Variants in SLC28A1 observed in about 807,000 individuals in gnomAD.
The protein encoded by SLC28A1 is solute carrier family 28 member 1.
Under a neutral mutation model 74.8 loss-of-function variants are expected in SLC28A1, and 64 were observed. That is an observed-to-expected ratio of 0.86 (90% CI 0.70 to 1.05). SLC28A1 has a LOEUF of 1.05. SLC28A1 is among the 50% of genes least tolerant of loss of function. SLC28A1 has a pLI of 0.00. For missense variants in SLC28A1, 828 were observed against 822.8 expected, an observed-to-expected ratio of 1.01 and a Z score of -0.08; for synonymous variants, 359 against 335.0, an observed-to-expected ratio of 1.07 and a Z score of -0.78.
chr15:84,885,409 CATAAA>C (rs1964477817), intron 1 of SLC28A1, among the ~76,000 whole-genome samples: 1 of 151,440 alleles, frequency 6.6e-6, no homozygotes, highest in South Asian at 2.1e-4. Context: ...AAATGAATAA[CATAAA>C]ATAACATACA....
intron 10 of SLC28A1, 93 bp from the exon 11 acceptor site, chr15:84,920,896 G>T: frequency 2.1e-6 from 2 of 965,940 alleles, no homozygotes; most frequent in Admixed American, 3.4e-5. Flanking sequence ...GCTGGGAGTT[G>T]GGAGGAAACT....
chr15:84,936,172 T>C (rs1971903966), intron 15 of SLC28A1, among the ~76,000 whole-genome samples: 1 of 151,320 alleles, frequency 6.6e-6, no homozygotes, highest in Admixed American at 6.6e-5. Context: ...CTTGATCTCC[T>C]GACCTCGTGA....
At chr15:84,966,029 G>A in the SLC28A1 span, among the ~76,000 whole-genome samples, 1 of 152,166 alleles carries the variant, frequency 6.6e-6, no homozygotes, top group Non-Finnish European at 1.5e-5. Flanking sequence ...TCAGTGATCT[G>A]AGAGAAAAAC....
intron 9 of SLC28A1, among the ~76,000 whole-genome samples, chr15:84,917,868 G>T (rs1199542040): frequency 1.3e-5 from 2 of 152,160 alleles, no homozygotes; most frequent in Non-Finnish European, 2.9e-5. Context: ...CATGGGCCTG[G>T]AAAAGAGGGA....
At position 84,944,838 on chromosome 15, in the gene SLC28A1, T is replaced by C; in HGVS notation, c.1845T>C (p.Ile615=). ...NTTLSSSSFE[I]YQCCREAFQS... is the part of the protein sequence containing the mutation. ...CCCTCAGCAGCAGTAGCTTTGAGAT[T>C]TACCAGTGCTGCCGTGAGGCCTTCC... Residue 615 remains isoleucine (I), a synonymous_variant, in exon 18 of 19, where the codon ATT becomes ATC. Transcript: ENST00000394573. 1 of 1,613,828 alleles carries C rather than the reference T, an allele frequency of 6.2e-7. No homozygotes were observed. Among genetic ancestry groups the C allele is most frequent in the Non-Finnish European group, 8.5e-7 (1 of 1,179,766 alleles).
At chr15:84,909,097 G>A (rs944454121) in intron 9 of SLC28A1, among the ~76,000 whole-genome samples, 9 of 152,180 alleles carry the variant, frequency 5.9e-5, no homozygotes, top group African/African-American at 2.2e-4. Flanking sequence ...AGGACAAGAA[G>A]TGGGGGTAGG....
At chr15:84,960,228 CTTTTTTTTTTTTTTTTTTTTTT>C in the SLC28A1 span, among the ~76,000 whole-genome samples, 196 of 85,578 alleles carry the variant, frequency 2.3e-3, 37 homozygotes, top group South Asian at 8.2e-3. Flanking sequence ...TGCCTGCCTG[CTTTTTTTTTTTTTTTTTTTTTT>C]TTTTTTTTTT....
chr15:84,921,011 C>T lies in SLC28A1; in HGVS notation c.899C>T (p.Thr300Ile), dbSNP rs1187556555. 4.3e-6 allele frequency: 7 copies of T among 1,614,030 alleles called. No homozygotes were observed. The South Asian group carries it at 5.5e-5, about 13-fold the overall frequency. The change falls in exon 11 of 19, where the codon ACC becomes ATC. Residue 300 changes from threonine (T) to isoleucine (I), a missense_variant. By Grantham distance (89) the Thr-to-Ile change is moderately conservative. Around this residue, in one of 3 missense-constraint regions of SLC28A1, gnomAD observed 767 missense variants for 753.5 expected, o/e 1.02. Transcript: ENST00000394573. ...ILKIAWLMQVTMGTTATETLS... is the reference protein window; with the variant it reads ...ILKIAWLMQVIMGTTATETLS... Reference sequence around the variant, plus strand: ...TAGATTGCCTGGCTGATGCAAGTCACCATGGGCACCACAGCCACTGAGACC... The same window carrying T: ...TAGATTGCCTGGCTGATGCAAGTCATCATGGGCACCACAGCCACTGAGACC...
the SLC28A1 span, among the ~76,000 whole-genome samples, chr15:84,961,112 G>A: frequency 3.3e-5 from 5 of 152,252 alleles, no homozygotes; most frequent in East Asian, 1.9e-4. Flanking sequence ...CTCCGAACTC[G>A]TAGGGGTGTT....
At chr15:84,949,715 G>A (rs956659448), downstream of SLC28A1, among the ~76,000 whole-genome samples, 1 of 151,940 alleles carries the variant, frequency 6.6e-6, no homozygotes, top group East Asian at 1.9e-4. Context: ...CCAGCCTTAG[G>A]AAGGGTGTTA....
chr15:84,884,702 CT>C lies in SLC28A1; in HGVS notation c.-181del. 2 of 985,588 alleles carry C rather than the reference CT, an allele frequency of 2.0e-6. No individual in the cohort carries two copies. Among genetic ancestry groups the C allele is most frequent in the Non-Finnish European group, 2.4e-6 (2 of 829,960 alleles). The allele number at this position is 985,588 out of a possible 1,614,324, so 61.1% of individuals were successfully genotyped here. A position where few individuals can be genotyped will look rare whatever the true frequency, so the allele number is the denominator to read the frequency against. Reference sequence around the variant, plus strand: ...TATAAGCTGCACTGCATGGTTGCTGCTGGATGTGTTGTGTTCCTGGCTTCCC... The same window carrying C: ...TATAAGCTGCACTGCATGGTTGCTGCGGATGTGTTGTGTTCCTGGCTTCCC... On this transcript the variant is annotated 5_prime_UTR_variant, in exon 1 of 19. The change creates a premature stop within an existing upstream ORF in the 5' untranslated region. Transcript: ENST00000394573.
rs114829451 is a variant in SLC28A1, at chr15:84,919,013, T to C, written c.876+409T>C. ...TCTTCACCCTCACAGAATCTAGTGC[T>C]GACCAAATGTCCTTTCCCAGGGTCT... On this transcript the variant is annotated intron_variant, in intron 10 of 18. Coordinates refer to ENST00000394573, the MANE Select transcript of SLC28A1 (RefSeq NM_004213.5). Among the ~76,000 whole-genome samples the C allele has an allele frequency of 1.7e-3, 254 of 152,262 alleles. 1 individual carries two copies. Among genetic ancestry groups the C allele is most frequent in the African/African-American group, 6.0e-3 (249 of 41,552 alleles).
At chr15:84,969,559 G>A in the SLC28A1 span, among the ~76,000 whole-genome samples, 1 of 152,128 alleles carries the variant, frequency 6.6e-6, no homozygotes, top group East Asian at 1.9e-4. Context: ...GTAATTTGCT[G>A]GATCCCAAGA....
chr15:84,946,106 A>ATTTTTT (rs2079211409), downstream of SLC28A1, among the ~76,000 whole-genome samples: 2 of 11,354 alleles, frequency 1.8e-4, no homozygotes, highest in African/African-American at 5.9e-4. Flanking sequence ...ATATATATAT[A>ATTTTTT]TATATATTTT....
At chr15:84,950,974 A>G in the SLC28A1 span, among the ~76,000 whole-genome samples, 2 of 152,174 alleles carry the variant, frequency 1.3e-5, no homozygotes, top group African/African-American at 2.4e-5. Flanking sequence ...GCCTGTTTAC[A>G]AAAACAGGAG....
the SLC28A1 span, among the ~76,000 whole-genome samples, chr15:84,957,633 G>A: frequency 6.6e-6 from 1 of 152,136 alleles, no homozygotes; most frequent in Admixed American, 6.5e-5. Flanking sequence ...ACCATAATAT[G>A]AGGGTTTATT....
chr15:84,895,362 A>G (rs199538123), intron 6 of SLC28A1: 6 of 1,613,970 alleles, frequency 3.7e-6, no homozygotes, highest in Non-Finnish European at 5.1e-6. Flanking sequence ...TGGACTCAAC[A>G]GTTTCCTCCA....
At chr15:84,923,082 CAT>C (rs1435453197) in intron 11 of SLC28A1, among the ~76,000 whole-genome samples, 2 of 152,180 alleles carry the variant, frequency 1.3e-5, no homozygotes, top group Non-Finnish European at 2.9e-5. Flanking sequence ...GGATTACTGA[CAT>C]GTGTCAGCAT....
intron 12 of SLC28A1, among the ~76,000 whole-genome samples, chr15:84,928,983 C>T (rs1970969154): frequency 6.6e-6 from 1 of 152,154 alleles, no homozygotes; most frequent in Admixed American, 6.5e-5. Flanking sequence ...CTTCTCCGCA[C>T]ATCCCTCCTA....
Sources: gnomAD v4.1 joint callset for allele counts (sites outside exome capture counted in the v4.1 genomes callset) on GRCh38, gnomAD v4.1.1 for gene constraint, gnomAD v4.1.1 regional missense constraint, MANE v1.5 for transcripts, NCBI Gene and HGNC (gene_info 2026-07-23, HGNC 2026-07-21) for gene names.